PHF20: variants seen among roughly 807,000 people sequenced by gnomAD.
PHF20 encodes PHD finger protein 20.
A neutral mutation model predicts 113.5 loss-of-function variants in PHF20; 23 were observed. The observed-to-expected ratio is 0.20, with a 90% confidence interval of 0.15 to 0.29. PHF20 has a LOEUF of 0.29. Ranked by LOEUF, PHF20 falls within the 10% of genes least tolerant of loss-of-function variation. The pLI is 1.00. For missense variants in PHF20, 943 were observed against 1,219.6 expected, an observed-to-expected ratio of 0.77 and a Z score of 3.38; for synonymous variants, 434 against 457.3, an observed-to-expected ratio of 0.95 and a Z score of 0.65.
intron 2 of PHF20, among the ~76,000 whole-genome samples, chr20:35,807,122 G>C (rs2041898561): frequency 6.6e-6 from 1 of 151,954 alleles, no homozygotes; most frequent in African/African-American, 2.4e-5. Flanking sequence ...GTGAATTTTT[G>C]TAGTATTGTT....
chr20:35,898,119 C>T (rs2055024224), intron 9 of PHF20, among the ~76,000 whole-genome samples: 1 of 151,690 alleles, frequency 6.6e-6, no homozygotes, highest in Admixed American at 6.6e-5. Flanking sequence ...AGGTGATCCG[C>T]CCACCTCGGC....
At chr20:35,946,827 A>G (rs2147141248) in intron 17 of PHF20, among the ~76,000 whole-genome samples, 1 of 152,168 alleles carries the variant, frequency 6.6e-6, no homozygotes, top group East Asian at 1.9e-4. Context: ...CTCCTGCCTC[A>G]GCTTCCTGAG....
intron 2 of PHF20, among the ~76,000 whole-genome samples, chr20:35,841,591 G>T (rs1296326590): frequency 6.6e-6 from 1 of 152,060 alleles, no homozygotes; most frequent in Non-Finnish European, 1.5e-5. Flanking sequence ...CCAACATGGT[G>T]AAATCCCGTT....
chr20:35,797,627 G>T (rs930780852), intron 1 of PHF20, among the ~76,000 whole-genome samples: 1 of 149,476 alleles, frequency 6.7e-6, no homozygotes, highest in Non-Finnish European at 1.5e-5. Context: ...TTCTTTGGTG[G>T]TTTTTTTTGT....
chr20:35,857,548 G>T (rs2042854538), intron 4 of PHF20, among the ~76,000 whole-genome samples: 1 of 139,802 alleles, frequency 7.2e-6, no homozygotes. Context: ...AATACCTTTA[G>T]CTGAATGATG....
chr20:35,835,292 A>G (rs1195715671), intron 2 of PHF20, among the ~76,000 whole-genome samples: 5 of 152,144 alleles, frequency 3.3e-5, no homozygotes, highest in African/African-American at 1.2e-4. Context: ...AAGAAGAGGT[A>G]GGAAACTTGA....
intron 9 of PHF20, among the ~76,000 whole-genome samples, chr20:35,881,205 G>T (rs200364198): frequency 6.6e-6 from 1 of 151,168 alleles, no homozygotes; most frequent in African/African-American, 2.4e-5. Context: ...TTACAGGCAC[G>T]TGCTACCATG....
At chr20:35,945,535 A>G (rs1568813383) in intron 17 of PHF20, among the ~76,000 whole-genome samples, 1 of 152,124 alleles carries the variant, frequency 6.6e-6, no homozygotes, top group East Asian at 1.9e-4. Flanking sequence ...ACAGGAGAGG[A>G]TTGCGCAGTA....
At chr20:35,893,609 TG>T (rs2054919009) in intron 9 of PHF20, among the ~76,000 whole-genome samples, 1 of 151,034 alleles carries the variant, frequency 6.6e-6, no homozygotes, top group Non-Finnish European at 1.5e-5. Flanking sequence ...CAGCCGGCCA[TG>T]GCTTTTTTCT....
At chr20:35,875,136 G>A (rs1420136143) in intron 9 of PHF20, among the ~76,000 whole-genome samples, 1 of 151,796 alleles carries the variant, frequency 6.6e-6, no homozygotes, top group African/African-American at 2.4e-5. Context: ...GGTGGCTCAC[G>A]CCTGTAATCC....
chr20:35,858,007 CTT>C (rs2042870303), intron 4 of PHF20, among the ~76,000 whole-genome samples: 1 of 152,088 alleles, frequency 6.6e-6, no homozygotes, highest in South Asian at 2.1e-4. Flanking sequence ...TTTTACTGCT[CTT>C]TGTTCTTCAC....
At chr20:35,915,063 T>TAG (rs1352903533) in intron 12 of PHF20, among the ~76,000 whole-genome samples, 2 of 148,164 alleles carry the variant, frequency 1.3e-5, no homozygotes, top group African/African-American at 4.9e-5. Flanking sequence ...TATATATATA[T>TAG]ATAGATATAC....
At chr20:35,835,261 C>G (rs150738883) in intron 2 of PHF20, among the ~76,000 whole-genome samples, 1 of 151,122 alleles carries the variant, frequency 6.6e-6, no homozygotes, top group Admixed American at 6.6e-5. Flanking sequence ...GGCGACAGAG[C>G]GAGATGCCAT....
intron 1 of PHF20, among the ~76,000 whole-genome samples, chr20:35,788,417 A>G (rs2041469484): frequency 6.6e-6 from 1 of 151,328 alleles, no homozygotes; most frequent in Admixed American, 6.6e-5. Flanking sequence ...TTTTTTGTAG[A>G]GTTGAGATCT....
At chr20:35,819,835 G>A (rs1440308619) in intron 2 of PHF20, among the ~76,000 whole-genome samples, 2 of 152,138 alleles carry the variant, frequency 1.3e-5, no homozygotes, top group Non-Finnish European at 2.9e-5. Context: ...ATAGCCAAGG[G>A]TCGTTAATCA....
intron 1 of PHF20, among the ~76,000 whole-genome samples, chr20:35,791,412 TTATATA>T (rs1019561073): frequency 6.6e-6 from 1 of 150,850 alleles, no homozygotes; most frequent in African/African-American, 2.4e-5. Context: ...GATATAGTTT[TTATATA>T]TATGTATATA....
At chr20:35,878,626 G>A (rs1213459643) in intron 9 of PHF20, 5 of 776,254 alleles carry the variant, frequency 6.4e-6, no homozygotes, top group Non-Finnish European at 1.2e-5. Flanking sequence ...ATACTAAAAT[G>A]TCCCTTCATC....
At chr20:35,932,611 A>G (rs2055782190) in intron 15 of PHF20, among the ~76,000 whole-genome samples, 1 of 140,680 alleles carries the variant, frequency 7.1e-6, no homozygotes, top group Admixed American at 7.1e-5. Flanking sequence ...TTGTATTTTT[A>G]GTAGAGACAG....
intron 9 of PHF20, among the ~76,000 whole-genome samples, chr20:35,889,236 G>A (rs137985105): frequency 6.6e-6 from 1 of 151,712 alleles, no homozygotes; most frequent in East Asian, 1.9e-4. Flanking sequence ...GGCTAGTCTC[G>A]AACTCCTGAC....
Sources: allele counts gnomAD v4.1 joint callset (sites outside exome capture counted in the v4.1 genomes callset), GRCh38; gene constraint gnomAD v4.1.1; transcripts MANE v1.5; gene names NCBI Gene and HGNC (gene_info 2026-07-23, HGNC 2026-07-21).